The following KIAA1217 variants were observed in gnomAD, a reference collection of about 807,000 sequenced individuals.
KIAA1217 encodes the protein sickle tail protein homolog.
A neutral mutation model predicts 163.9 loss-of-function variants in KIAA1217; 88 were observed. That is an observed-to-expected ratio of 0.54 (90% CI 0.45 to 0.64). The LOEUF (loss-of-function observed/expected upper bound fraction) is 0.64, where lower values mean the gene tolerates loss of function less well. Among genes scored for constraint, KIAA1217 ranks in the 30% least tolerant of loss-of-function variants. The pLI, the probability that KIAA1217 is intolerant of heterozygous loss-of-function variation, is 0.00. For missense variants in KIAA1217, 2,372 were observed against 2,475.0 expected (o/e 0.96, Z 0.88); for synonymous variants, 903 against 923.1 (o/e 0.98, Z 0.39).
At chr10:23,854,967 C>A (rs1250014641) in intron 1 of KIAA1217, among the ~76,000 whole-genome samples, 4 of 152,128 alleles carry the variant, frequency 2.6e-5, no homozygotes, top group Non-Finnish European at 4.4e-5. Flanking sequence ...ACTCTTTGTC[C>A]AATTTGCCAG....
chr10:23,703,952 A>G (rs1245282305), intron 1 of KIAA1217, among the ~76,000 whole-genome samples: 1 of 150,754 alleles, frequency 6.6e-6, no homozygotes, highest in Non-Finnish European at 1.5e-5. Flanking sequence ...AAAAACAAAA[A>G]CAGGTTGAGA....
At chr10:24,104,017 A>G (rs1251465618) in intron 2 of KIAA1217, among the ~76,000 whole-genome samples, 1 of 152,146 alleles carries the variant, frequency 6.6e-6, no homozygotes, top group African/African-American at 2.4e-5. Context: ...CTTGAATTGT[A>G]GTTCCCATAA....
chr10:24,495,563 T>C (rs1463186148), intron 8 of KIAA1217, among the ~76,000 whole-genome samples: 1 of 152,194 alleles, frequency 6.6e-6, no homozygotes, highest in African/African-American at 2.4e-5. Context: ...GTTTCACCAA[T>C]AGGACTAGCC....
At chr10:24,034,049 A>G (rs1018669466) in intron 2 of KIAA1217, among the ~76,000 whole-genome samples, 2 of 152,260 alleles carry the variant, frequency 1.3e-5, no homozygotes, top group Non-Finnish European at 2.9e-5. Flanking sequence ...GGTATTTTAT[A>G]GCCATTAAAA....
intron 2 of KIAA1217, among the ~76,000 whole-genome samples, chr10:24,114,088 A>G (rs1384844923): frequency 6.6e-6 from 1 of 152,126 alleles, no homozygotes; most frequent in African/African-American, 2.4e-5. Flanking sequence ...ATCCTGTACT[A>G]TAACTCTTCC....
intron 1 of KIAA1217, among the ~76,000 whole-genome samples, chr10:23,887,666 C>G (rs1307384014): frequency 6.6e-6 from 1 of 151,628 alleles, no homozygotes; most frequent in African/African-American, 2.4e-5. Context: ...TCGTGACAAT[C>G]CAGATGTGAT....
At chr10:24,478,401 T>C (rs1306516803) in intron 6 of KIAA1217, among the ~76,000 whole-genome samples, 1 of 152,216 alleles carries the variant, frequency 6.6e-6, no homozygotes. Context: ...TCAATGAGCA[T>C]CTAGTAATAA....
chr10:23,773,443 T>C (rs916762623), intron 1 of KIAA1217, among the ~76,000 whole-genome samples: 28 of 151,582 alleles, frequency 1.8e-4, no homozygotes, highest in African/African-American at 5.1e-4. Context: ...CTTGGCGATG[T>C]GGGCTCTTTT....
intron 2 of KIAA1217, among the ~76,000 whole-genome samples, chr10:24,272,034 G>C (rs2076819547): frequency 6.6e-6 from 1 of 152,158 alleles, no homozygotes; most frequent in Non-Finnish European, 1.5e-5. Context: ...AGGAAATTGG[G>C]TGGGAAGGGT....
chr10:24,062,343 G>A (rs1295626027), intron 2 of KIAA1217, among the ~76,000 whole-genome samples: 2 of 130,470 alleles, frequency 1.5e-5, no homozygotes, highest in Non-Finnish European at 3.1e-5. Context: ...CTGTGTCCAT[G>A]TGTTCTCATT....
chr10:23,759,680 AATAATT>A (rs1834146573), intron 1 of KIAA1217, among the ~76,000 whole-genome samples: 6 of 152,228 alleles, frequency 3.9e-5, no homozygotes, highest in Non-Finnish European at 8.8e-5. Context: ...TAACACTCTT[AATAATT>A]AGATAATGGT....
At chr10:24,301,542 G>C (rs1226934056) in intron 2 of KIAA1217, among the ~76,000 whole-genome samples, 2 of 152,050 alleles carry the variant, frequency 1.3e-5, no homozygotes, top group African/African-American at 2.4e-5. Context: ...TCCCAAACAG[G>C]TCTTCCCTCC....
At chr10:24,338,996 A>G (rs2133777413) in intron 2 of KIAA1217, among the ~76,000 whole-genome samples, 1 of 152,334 alleles carries the variant, frequency 6.6e-6, no homozygotes, top group Middle Eastern at 3.4e-3. Context: ...TGCATGAACT[A>G]GCAAGTTTTT....
intron 1 of KIAA1217, among the ~76,000 whole-genome samples, chr10:23,974,447 A>G (rs1262496283): frequency 6.6e-6 from 1 of 152,156 alleles, no homozygotes; most frequent in Non-Finnish European, 1.5e-5. Context: ...TCTTCTACAA[A>G]TGCGGTTATT....
At chr10:24,114,540 A>G (rs1028282136) in intron 2 of KIAA1217, among the ~76,000 whole-genome samples, 1 of 152,140 alleles carries the variant, frequency 6.6e-6, no homozygotes, top group African/African-American at 2.4e-5. Context: ...TCTTCTCTGC[A>G]CCAGGTGTGT....
intron 5 of KIAA1217, among the ~76,000 whole-genome samples, chr10:24,446,726 AT>A (rs2060966836): frequency 6.6e-6 from 1 of 152,190 alleles, no homozygotes; most frequent in South Asian, 2.1e-4. Flanking sequence ...ATACTGAGCA[AT>A]TTGCTTGTAT....
intron 2 of KIAA1217, among the ~76,000 whole-genome samples, chr10:24,167,645 A>G (rs925555900): frequency 4.6e-5 from 7 of 152,108 alleles, no homozygotes; most frequent in Admixed American, 3.3e-4. Context: ...TTCCATTATT[A>G]TGTTTATATT....
intron 2 of KIAA1217, among the ~76,000 whole-genome samples, chr10:24,286,441 C>T (rs220357): frequency 0.4 from 60,277 of 151,480 alleles, 12,638 homozygotes; most frequent in Non-Finnish European, 0.47. Flanking sequence ...CACACACACA[C>T]GCATATATAT....
At chr10:23,956,099 CAAAT>C (rs1844545462) in intron 1 of KIAA1217, among the ~76,000 whole-genome samples, 2 of 152,178 alleles carry the variant, frequency 1.3e-5, no homozygotes, top group African/African-American at 2.4e-5. Context: ...TCAGTGAAGA[CAAAT>C]AACTCTCAAA....
Sources: allele counts gnomAD v4.1 joint callset (sites outside exome capture counted in the v4.1 genomes callset), GRCh38; gene constraint gnomAD v4.1.1; transcripts MANE v1.5; gene names NCBI Gene and HGNC (gene_info 2026-07-23, HGNC 2026-07-21).